The following WDPCP variants were observed in gnomAD, a reference collection of about 807,000 sequenced individuals.
The protein encoded by WDPCP is WD repeat-containing and planar cell polarity effector protein fritz homolog.
WDPCP carries 71 observed loss-of-function variants against 93.1 expected under a neutral mutation model. The ratio of observed to expected loss-of-function variants is 0.76; its 90% CI spans 0.63 to 0.93. The LOEUF (loss-of-function observed/expected upper bound fraction) is 0.93. Among genes scored for constraint, WDPCP ranks in the 40% least tolerant of loss-of-function variants. The pLI is 0.00. For synonymous variants in WDPCP, 315 were observed against 315.0 expected, an observed-to-expected ratio of 1.00 and a Z score of 0.00; for missense variants, 844 against 887.4, an observed-to-expected ratio of 0.95 and a Z score of 0.62.
chr2:63,390,952 A>C (rs931415319), intron 10 of WDPCP, among the ~76,000 whole-genome samples: 43 of 152,332 alleles, frequency 2.8e-4, no homozygotes, highest in African/African-American at 8.7e-4. Context: ...GCCAAATTCT[A>C]CCAGAGGTAC....
intron 6 of WDPCP, among the ~76,000 whole-genome samples, chr2:63,444,677 G>A (rs986297799): frequency 2.6e-5 from 4 of 152,144 alleles, no homozygotes; most frequent in African/African-American, 9.7e-5. Flanking sequence ...CTCTGAAGCA[G>A]ATCTGAACTG....
At chr2:63,213,324 C>G (rs1204516032) in intron 14 of WDPCP, among the ~76,000 whole-genome samples, 1 of 152,184 alleles carries the variant, frequency 6.6e-6, no homozygotes, top group Non-Finnish European at 1.5e-5. Flanking sequence ...GAAACTCACT[C>G]AAAACCGCTC....
At chr2:63,322,608 A>T (rs1343580293) in intron 12 of WDPCP, among the ~76,000 whole-genome samples, 1 of 152,064 alleles carries the variant, frequency 6.6e-6, no homozygotes, top group African/African-American at 2.4e-5. Context: ...CGAGACCATG[A>T]ACCCACCAGA....
chr2:63,811,398 G>C (rs747065339), intron 2 of WDPCP, among the ~76,000 whole-genome samples: 1 of 152,166 alleles, frequency 6.6e-6, no homozygotes, highest in Non-Finnish European at 1.5e-5. Flanking sequence ...AGTTGGAAAA[G>C]GCCACATGTA....
intron 9 of WDPCP, among the ~76,000 whole-genome samples, chr2:63,428,200 A>G (rs62177835): frequency 6.8e-6 from 1 of 147,718 alleles, no homozygotes; most frequent in African/African-American, 2.5e-5. Context: ...AAAAAAAAAA[A>G]TTGAGGAGGA....
At chr2:63,181,532 A>G (rs1328814029) in intron 14 of WDPCP, among the ~76,000 whole-genome samples, 1 of 152,052 alleles carries the variant, frequency 6.6e-6, no homozygotes, top group Non-Finnish European at 1.5e-5. Context: ...TGAGTTCTCT[A>G]TTCTGTTACA....
At chr2:63,394,645 C>T (rs1693562797) in intron 10 of WDPCP, among the ~76,000 whole-genome samples, 2 of 152,112 alleles carry the variant, frequency 1.3e-5, no homozygotes, top group Non-Finnish European at 2.9e-5. Flanking sequence ...ACCAAATACC[C>T]ATCAACAGTA....
intron 1 of WDPCP, among the ~76,000 whole-genome samples, chr2:63,543,811 AT>A (rs1385460008): frequency 6.6e-6 from 1 of 152,132 alleles, no homozygotes; most frequent in East Asian, 1.9e-4. Context: ...GCATTTTAGA[AT>A]AATTTGAAAT....
chr2:63,751,537 CAT>C (rs955651930), intron 2 of WDPCP, among the ~76,000 whole-genome samples: 32 of 152,320 alleles, frequency 2.1e-4, no homozygotes, highest in African/African-American at 7.7e-4. Context: ...TGCCCATACA[CAT>C]GAGTATTTAT....
intron 13 of WDPCP, among the ~76,000 whole-genome samples, chr2:63,311,373 A>G (rs917248451): frequency 5.9e-5 from 9 of 152,176 alleles, no homozygotes; most frequent in Non-Finnish European, 1.3e-4. Flanking sequence ...AAAAAAATAA[A>G]TCCTTTTAGG....
At chr2:63,270,559 T>C (rs1350751756) in intron 13 of WDPCP, among the ~76,000 whole-genome samples, 1 of 152,092 alleles carries the variant, frequency 6.6e-6, no homozygotes, top group African/African-American at 2.4e-5. Context: ...GAATATCAAG[T>C]AGATAATCAC....
chr2:63,592,054 T>G (rs1309357903), upstream of WDPCP, among the ~76,000 whole-genome samples: 1 of 152,242 alleles, frequency 6.6e-6, no homozygotes, highest in Admixed American at 6.5e-5. Flanking sequence ...TACTCTCTAC[T>G]GCTTCTCTAG....
At chr2:63,549,738 T>A (rs769783261) in intron 1 of WDPCP, among the ~76,000 whole-genome samples, 1 of 152,004 alleles carries the variant, frequency 6.6e-6, no homozygotes, top group Non-Finnish European at 1.5e-5. Context: ...TGCAACTCCA[T>A]CCTGGACGAC....
chr2:63,502,564 A>C (rs1484067075), intron 1 of WDPCP, among the ~76,000 whole-genome samples: 1 of 152,184 alleles, frequency 6.6e-6, no homozygotes, highest in East Asian at 1.9e-4. Context: ...CCATTCATTA[A>C]TGAAACCAAA....
intron 6 of WDPCP, 66 bp downstream of exon 6, chr2:63,484,538 A>G: frequency 6.3e-7 from 1 of 1,585,932 alleles, no homozygotes; most frequent in Non-Finnish European, 8.7e-7. Flanking sequence ...ACACAAGAAT[A>G]CCAATTACTA....
intron 15 of WDPCP, among the ~76,000 whole-genome samples, chr2:63,167,951 CAA>C (rs1673107869): frequency 6.6e-6 from 1 of 151,734 alleles, no homozygotes; most frequent in Non-Finnish European, 1.5e-5. Context: ...GCCATCTCTA[CAA>C]AAAATACAAA....
intron 1 of WDPCP, among the ~76,000 whole-genome samples, chr2:63,508,765 A>G (rs1315274257): frequency 2.0e-5 from 3 of 152,186 alleles, no homozygotes; most frequent in African/African-American, 7.2e-5. Flanking sequence ...GAAAGCAAAA[A>G]AAGCAGGGGT....
chr2:63,673,075 G>T (rs1469110850), intron 2 of WDPCP, among the ~76,000 whole-genome samples: 1 of 152,104 alleles, frequency 6.6e-6, no homozygotes, highest in Non-Finnish European at 1.5e-5. Flanking sequence ...TTTAAACTAT[G>T]CACTTCTTTA....
intron 1 of WDPCP, among the ~76,000 whole-genome samples, chr2:63,575,397 CAG>C (rs1489457539): frequency 1.2e-5 from 1 of 81,826 alleles, no homozygotes; most frequent in East Asian, 3.1e-4. Context: ...ACGGTATATA[CAG>C]TATATATACA....
Sources: gnomAD v4.1 joint callset for allele counts (sites outside exome capture counted in the v4.1 genomes callset) on GRCh38, gnomAD v4.1.1 for gene constraint, MANE v1.5 for transcripts, NCBI Gene and HGNC (gene_info 2026-07-23, HGNC 2026-07-21) for gene names.